DIAPH3: variants seen among roughly 807,000 people sequenced by gnomAD.
DIAPH3 encodes protein diaphanous homolog 3.
Under a neutral mutation model 144.3 loss-of-function variants are expected in DIAPH3, and 117 were observed. That is an observed-to-expected ratio of 0.81 (90% CI 0.70 to 0.95). The LOEUF (loss-of-function observed/expected upper bound fraction) is 0.95. Ranked by LOEUF, DIAPH3 falls within the 40% of genes least tolerant of loss-of-function variation. DIAPH3 has a pLI of 0.00. For missense variants in DIAPH3, 1,421 were observed against 1,412.7 expected (o/e 1.01, Z -0.09); for synonymous variants, 519 against 488.9 (o/e 1.06, Z -0.81).
intron 27 of DIAPH3, among the ~76,000 whole-genome samples, chr13:59,731,981 A>C (rs1231716303): frequency 6.6e-6 from 1 of 152,166 alleles, no homozygotes; most frequent in Non-Finnish European, 1.5e-5. Flanking sequence ...TCACTGTGCT[A>C]AACTATGCTG....
intron 27 of DIAPH3, among the ~76,000 whole-genome samples, chr13:59,762,316 T>C (rs2139198615): frequency 1.3e-5 from 2 of 152,178 alleles, no homozygotes; most frequent in South Asian, 4.2e-4. Context: ...CGCCTCAGCC[T>C]CCCAAAGTGC....
At chr13:59,737,685 C>A (rs972780092) in intron 27 of DIAPH3, among the ~76,000 whole-genome samples, 4 of 152,284 alleles carry the variant, frequency 2.6e-5, no homozygotes, top group Non-Finnish European at 5.9e-5. Context: ...CTTAACCTCA[C>A]CTTTTGCTCA....
intron 27 of DIAPH3, among the ~76,000 whole-genome samples, chr13:59,756,632 A>G (rs1334677660): frequency 6.6e-6 from 1 of 152,134 alleles, no homozygotes; most frequent in Non-Finnish European, 1.5e-5. Flanking sequence ...GGATGGCATC[A>G]TGTAGACTAA....
chr13:60,060,816 T>C (rs1463713791), intron 4 of DIAPH3, among the ~76,000 whole-genome samples: 2 of 152,054 alleles, frequency 1.3e-5, no homozygotes, highest in African/African-American at 4.8e-5. Context: ...TTTAAAATTT[T>C]AATAATATAC....
At chr13:59,837,496 G>A (rs1325201489) in intron 23 of DIAPH3, among the ~76,000 whole-genome samples, 1 of 151,934 alleles carries the variant, frequency 6.6e-6, no homozygotes, top group East Asian at 1.9e-4. Context: ...CATAATTAGT[G>A]CATTCACAGT....
intron 22 of DIAPH3, among the ~76,000 whole-genome samples, chr13:59,850,276 T>C (rs1347678278): frequency 6.7e-6 from 1 of 150,182 alleles, no homozygotes; most frequent in Non-Finnish European, 1.5e-5. Flanking sequence ...CAGGGACAAT[T>C]TGACTTCCTC....
chr13:59,946,623 C>T (rs2048809039), intron 17 of DIAPH3, among the ~76,000 whole-genome samples: 1 of 152,216 alleles, frequency 6.6e-6, no homozygotes, highest in South Asian at 2.1e-4. Flanking sequence ...TGCAAACACA[C>T]AAAGAGAAAC....
intron 27 of DIAPH3, among the ~76,000 whole-genome samples, chr13:59,737,224 G>T (rs2036201742): frequency 6.6e-6 from 1 of 152,042 alleles, no homozygotes; most frequent in African/African-American, 2.4e-5. Context: ...CCTACAAAAT[G>T]GGAGAAAACA....
chr13:59,796,850 T>TG (rs774312330), intron 25 of DIAPH3, among the ~76,000 whole-genome samples: 2 of 152,138 alleles, frequency 1.3e-5, no homozygotes, highest in Admixed American at 6.5e-5. Context: ...AACAAGTGAG[T>TG]GGAAGAGTAG....
At chr13:59,979,291 A>G (rs2050851416) in intron 14 of DIAPH3, among the ~76,000 whole-genome samples, 1 of 151,588 alleles carries the variant, frequency 6.6e-6, no homozygotes, top group Non-Finnish European at 1.5e-5. Context: ...AATGATAACA[A>G]AATCAAATTT....
At chr13:60,133,125 T>C in intron 1 of DIAPH3, 136 bp from the exon 2 acceptor site, 2 of 617,918 alleles carry the variant, frequency 3.2e-6, no homozygotes, top group East Asian at 2.8e-5. Context: ...AAACACATTA[T>C]ATATAATCGT....
chr13:59,933,352 G>C lies in DIAPH3; in HGVS notation c.2075-8482C>G, dbSNP rs555654723. On this transcript the variant is annotated intron_variant, in intron 17 of 27. Transcript: ENST00000400324. Reference sequence around the variant, plus strand: ...AGTAGTTGTGAAAATGAAATGAGATGATAAATACCTTCATGTAACCCTCCC... The same window carrying C: ...AGTAGTTGTGAAAATGAAATGAGATCATAAATACCTTCATGTAACCCTCCC... Among the ~76,000 whole-genome samples, 26 of 152,290 alleles carry C rather than the reference G, an allele frequency of 1.7e-4. No homozygotes were observed. In the South Asian group the frequency reaches 2.1e-3, roughly 12 times the overall value.
chr13:59,917,100 T>TCA (rs1486131587), intron 18 of DIAPH3, among the ~76,000 whole-genome samples: 1 of 152,196 alleles, frequency 6.6e-6, no homozygotes, highest in Non-Finnish European at 1.5e-5. Flanking sequence ...TATTTTTCTT[T>TCA]TTATTTAATG....
Position 60,107,490 on chromosome 13 carries a change from C to T in DIAPH3, c.390+4520G>A, listed in dbSNP as rs181563007. ...CACTGCAGGACAAAATTAGATTCCA[C>T]TCTATGTTATACACAGAAAATTGTT... On this transcript the variant is annotated intron_variant, in intron 3 of 27. Coordinates refer to ENST00000400324, the MANE Select transcript of DIAPH3 (RefSeq NM_001042517.2). Among the ~76,000 whole-genome samples the T allele has an allele frequency of 4.1e-3, 619 of 152,204 alleles. 9 individuals are homozygous for T. The highest frequency in any genetic ancestry group is 2.3e-3 in the Non-Finnish European group (158 of 67,976).
At position 60,163,917 on chromosome 13, in the gene DIAPH3, G is replaced by T. The variant is rs1952427374; in HGVS notation, c.-151C>A. 9.8e-7 allele frequency: 1 copy of T among 1,020,526 alleles called. No individual in the cohort carries two copies. Among genetic ancestry groups the T allele is most frequent in the Non-Finnish European group, 1.4e-6 (1 of 720,528 alleles). The allele number at this position is 1,020,526 out of a possible 1,614,324, so 63.2% of individuals were successfully genotyped here. A position where few individuals can be genotyped will look rare whatever the true frequency, so the allele number is the denominator to read the frequency against. On this transcript the variant is annotated 5_prime_UTR_variant, in exon 1 of 28. It adds an upstream start codon to the 5' untranslated region. Coordinates refer to ENST00000400324, the MANE Select transcript of DIAPH3 (RefSeq NM_001042517.2). ...CCCAACCGCTGAAGTCGGGGCCGCA[G>T]CCAACACATCTGAAAACTCCCGCCA... is the stretch of plus-strand genomic sequence containing the variant.
intron 27 of DIAPH3, among the ~76,000 whole-genome samples, chr13:59,733,301 C>T (rs1445652318): frequency 6.6e-6 from 1 of 152,064 alleles, no homozygotes; most frequent in Non-Finnish European, 1.5e-5. Flanking sequence ...AAATATATAT[C>T]TAACCATTTC....
chr13:59,822,282 C>T (rs1469012486), intron 24 of DIAPH3, among the ~76,000 whole-genome samples: 1 of 152,028 alleles, frequency 6.6e-6, no homozygotes, highest in Non-Finnish European at 1.5e-5. Flanking sequence ...AAGCTAAATA[C>T]AAGCACAAGT....
At chr13:60,136,549 A>G (rs1225384371) in intron 1 of DIAPH3, among the ~76,000 whole-genome samples, 4 of 151,558 alleles carry the variant, frequency 2.6e-5, no homozygotes, top group Non-Finnish European at 5.9e-5. Context: ...TGACTTTGTG[A>G]CCTTTACATA....
intron 20 of DIAPH3, among the ~76,000 whole-genome samples, chr13:59,891,263 T>C (rs960275954): frequency 2.6e-5 from 4 of 152,060 alleles, no homozygotes; most frequent in Non-Finnish European, 4.4e-5. Flanking sequence ...TACAAAATGC[T>C]TTAGGCTGTA....
Sources: allele counts gnomAD v4.1 joint callset (sites outside exome capture counted in the v4.1 genomes callset), GRCh38; gene constraint gnomAD v4.1.1; transcripts MANE v1.5; gene names NCBI Gene and HGNC (gene_info 2026-07-23, HGNC 2026-07-21).